ZNF681: variants seen among roughly 807,000 people sequenced by gnomAD.
ZNF681 encodes zinc finger protein 681, also known as hypothetical protein FLJ31526.
Under a neutral mutation model 56.0 loss-of-function variants are expected in ZNF681, and 37 were observed. The ratio of observed to expected loss-of-function variants is 0.66; its 90% CI spans 0.51 to 0.87. The LOEUF is 0.87. ZNF681 is among the 40% of genes least tolerant of loss of function. The pLI is 0.00. For synonymous variants in ZNF681, 225 were observed against 248.6 expected (o/e 0.91, Z 0.89); for missense variants, 741 against 744.9 (o/e 0.99, Z 0.06).
chr19:23,754,969 C>A, intron 2 of ZNF681, 51 bp from the exon 3 acceptor site: 1 of 1,419,116 alleles, frequency 7.0e-7, no homozygotes, highest in Admixed American at 1.8e-5. Context: ...TGTCTAATCA[C>A]CAACATGGCA....
chr19:23,753,312 T>C (rs1969061103), intron 3 of ZNF681, among the ~76,000 whole-genome samples: 1 of 152,304 alleles, frequency 6.6e-6, no homozygotes. Flanking sequence ...GGCAGGATAA[T>C]TGCTTGAACC....
rs572141527 is a variant in ZNF681, at chr19:23,745,099, A to G, written c.451T>C (p.Phe151Leu). The change falls in exon 4 of 4, where the codon TTT (phenylalanine) becomes CTT (leucine). Residue 151 changes from phenylalanine (F) to leucine (L), a missense_variant. Transcript: ENST00000402377. ...CCATTTAAATTTGAAAATTTATGAA[A>G]GATTTTCATATATTTATCACATTGA... is the stretch of plus-strand genomic sequence containing the variant. The part of the protein sequence containing the change: ...IFQCDKYMKI[F>L]HKFSNLNGHK... 144 of 1,606,096 alleles carry G rather than the reference A, an allele frequency of 9.0e-5. 5 individuals carry two copies. The Middle Eastern group carries it at 2.0e-3, about 22-fold the overall frequency.
chr19:23,753,156 T>C (rs1969058281), intron 3 of ZNF681, among the ~76,000 whole-genome samples: 1 of 152,304 alleles, frequency 6.6e-6, no homozygotes. Context: ...CCCAGCACTT[T>C]GGGAGGCTGA....
At chr19:23,753,499 G>C (rs1237911716) in intron 3 of ZNF681, among the ~76,000 whole-genome samples, 1 of 152,310 alleles carries the variant, frequency 6.6e-6, no homozygotes, top group African/African-American at 2.4e-5. Flanking sequence ...ATCAATGAGA[G>C]AAATTAGAAA....
chr19:23,751,551 C>T (rs1969031861), intron 3 of ZNF681, among the ~76,000 whole-genome samples: 1 of 151,344 alleles, frequency 6.6e-6, no homozygotes, highest in South Asian at 2.1e-4. Flanking sequence ...TCACAGAAGG[C>T]AAGTATTTTG....
chr19:23,752,306 G>GA (rs1445508948), intron 3 of ZNF681, among the ~76,000 whole-genome samples: 1 of 152,180 alleles, frequency 6.6e-6, no homozygotes, highest in Non-Finnish European at 1.5e-5. Context: ...GAGGCCTTGA[G>GA]AAAGACACCC....
At chr19:23,758,680 G>A in intron 1 of ZNF681, 67 bp downstream of exon 1, 11 of 1,613,010 alleles carry the variant, frequency 6.8e-6, no homozygotes, top group Non-Finnish European at 8.5e-6. Context: ...GGAGCTGACT[G>A]CGGCGAGGTC....
In ZNF681 at chr19:23,743,924, G is replaced by C; in HGVS notation, c.1626C>G (p.Ala542=). 6.2e-7 allele frequency: 1 copy of C among 1,604,454 alleles called. No individual in the cohort carries two copies. Among genetic ancestry groups the C allele is most frequent in the Non-Finnish European group, 8.5e-7 (1 of 1,173,772 alleles). Reference sequence around the variant, plus strand: ...TAGCAAGATGTGAGGAATGGTTAAAGGCTTTGCCACATTCTTCACATGTGT... The same window carrying C: ...TAGCAAGATGTGAGGAATGGTTAAACGCTTTGCCACATTCTTCACATGTGT... The part of the protein sequence containing the change: ...KPYTCEECGK[A]FNHSSHLATH... The change falls in exon 4 of 4, where the codon GCC becomes GCG. Residue 542 remains alanine (A), a synonymous_variant. Coordinates refer to ENST00000402377, the MANE Select transcript of ZNF681 (RefSeq NM_138286.3).
Position 23,743,439 on chromosome 19 carries a change from T to A in ZNF681, c.*173A>T. On this transcript the variant is annotated 3_prime_UTR_variant, in exon 4 of 4. Coordinates refer to ENST00000402377, the MANE Select transcript of ZNF681 (RefSeq NM_138286.3). ...AGATATTAATGGCTTTTTCACATTC[T>A]GTATATTTGAAATTTTTTTCTAGTA... 1 of 516,080 alleles carries A rather than the reference T, an allele frequency of 1.9e-6. No individual in the cohort carries two copies. 32.0% of individuals were successfully genotyped at this position (516,080 alleles called of 1,614,324 possible).
chr19:23,757,941 C>A (rs1029163837), intron 1 of ZNF681, among the ~76,000 whole-genome samples: 1 of 151,940 alleles, frequency 6.6e-6, no homozygotes. Context: ...TACTAATAAG[C>A]AATTTGAACA....
chr19:23,752,099 G>A (rs1460982140), intron 3 of ZNF681, among the ~76,000 whole-genome samples: 1 of 152,178 alleles, frequency 6.6e-6, no homozygotes, highest in Non-Finnish European at 1.5e-5. Context: ...CAGGGAGGGA[G>A]TTGTGAAACT....
rs1370062921 is a variant in ZNF681, at chr19:23,758,730, G to GTA, written c.3+16_3+17insTA. The GTA allele has an allele frequency of 1.2e-6, 2 of 1,614,086 alleles. No homozygotes were observed. Among genetic ancestry groups the GTA allele is most frequent in the African/African-American group, 2.7e-5 (2 of 74,938 alleles). ...GCCCCTTCCCCTCTCTCGGGATGTC[G>GTA]GACCCGACATTCTCACCATTTCTAG... On this transcript the variant is annotated intron_variant, in intron 1 of 3. Coordinates refer to ENST00000402377, the MANE Select transcript of ZNF681 (RefSeq NM_138286.3).
chr19:23,758,612 C>T lies in ZNF681; in HGVS notation c.3+135G>A. ...GGCTGGCTGTCAGCGCAGCCGCCAT[C>T]TTATGGTCCAAGTGGACTGAGGCCG... On this transcript the variant is annotated intron_variant, in intron 1 of 3. Coordinates refer to ENST00000402377, the MANE Select transcript of ZNF681 (RefSeq NM_138286.3). 4.5e-6 allele frequency: 6 copies of T among 1,345,000 alleles called. No individual in the cohort carries two copies. The South Asian group carries it at 5.8e-5, about 13-fold the overall frequency. The allele number at this position is 1,345,000 out of a possible 1,614,324, so 83.3% of individuals were successfully genotyped here.
At chr19:23,756,962 G>A (rs1380712642) in intron 1 of ZNF681, among the ~76,000 whole-genome samples, 1 of 151,714 alleles carries the variant, frequency 6.6e-6, no homozygotes, top group Non-Finnish European at 1.5e-5. Context: ...CCTCTGTCTC[G>A]TGGGTTCACG....
chr19:23,755,634 T>C (rs927604058), intron 1 of ZNF681, 83 bp from the exon 2 acceptor site: 2 of 1,351,524 alleles, frequency 1.5e-6, no homozygotes, highest in African/African-American at 1.5e-5. Context: ...AAAGAATTTA[T>C]AATTTGATTC....
chr19:23,757,060 G>A (rs944304882), intron 1 of ZNF681, among the ~76,000 whole-genome samples: 1 of 151,678 alleles, frequency 6.6e-6, no homozygotes, highest in African/African-American at 2.4e-5. Flanking sequence ...TAGTAGAGAT[G>A]GGCTTTCACC....
rs1162958653 is a variant in ZNF681 at position 23,741,601 on chromosome 19, C to T, written c.*2011G>A. The T allele has an allele frequency of 6.6e-6, 1 of 152,032 alleles. No homozygotes were observed. The highest frequency in any genetic ancestry group is 1.5e-5 in the Non-Finnish European group (1 of 68,056). 9.4% of individuals were successfully genotyped at this position (152,032 alleles called of 1,614,324 possible). Reference sequence around the variant, plus strand: ...GCATGCGCCTGTAGTCCCAACTACTCAGGAGGCTGAGGCGGAAGAATCACT... The same window carrying T: ...GCATGCGCCTGTAGTCCCAACTACTTAGGAGGCTGAGGCGGAAGAATCACT... On this transcript the variant is annotated 3_prime_UTR_variant, in exon 4 of 4. Coordinates refer to ENST00000402377, the MANE Select transcript of ZNF681 (RefSeq NM_138286.3).
chr19:23,755,303 T>C (rs1312993165), intron 2 of ZNF681, 122 bp downstream of exon 2: 1 of 1,303,570 alleles, frequency 7.7e-7, no homozygotes, highest in African/African-American at 1.5e-5. Flanking sequence ...CCTAAGATTT[T>C]TATAAAAACA....
Position 23,745,140 on chromosome 19 carries a change from G to A in ZNF681, c.410C>T (p.Thr137Ile). The A allele has an allele frequency of 6.2e-7, 1 of 1,611,866 alleles. No homozygotes were observed. The highest frequency in any genetic ancestry group is 8.5e-7 in the Non-Finnish European group (1 of 1,179,542). ...YNGLNQCLPT[T>I]QSKIFQCDKY... The stretch of plus-strand genomic sequence containing the variant: ...ATCACATTGAAATATTTTGCTCTGG[G>A]TAGTTGGCAAACATTGGTTAAGTCC... The change falls in exon 4 of 4, where the codon ACC (threonine) becomes ATC (isoleucine). Residue 137 changes from threonine to isoleucine, a missense_variant. Transcript: ENST00000402377.
Sources: gnomAD v4.1 joint callset for allele counts (sites outside exome capture counted in the v4.1 genomes callset) on GRCh38, gnomAD v4.1.1 for gene constraint, MANE v1.5 for transcripts, NCBI Gene and HGNC (gene_info 2026-07-23, HGNC 2026-07-21) for gene names.